Variants in MGME1 observed in about 807,000 individuals in gnomAD.
MGME1 encodes the protein chromosome 20 open reading frame 72.
A neutral mutation model predicts 33.0 loss-of-function variants in MGME1; 22 were observed. The ratio of observed to expected loss-of-function variants is 0.67; its 90% CI spans 0.48 to 0.95. The LOEUF (loss-of-function observed/expected upper bound fraction) is 0.95, where lower values mean the gene tolerates loss of function less well. Among genes scored for constraint, MGME1 ranks in the 40% least tolerant of loss-of-function variants. MGME1 has a pLI of 0.00. For synonymous variants in MGME1, 133 were observed against 144.0 expected (o/e 0.92, Z 0.55); for missense variants, 383 against 397.8 (o/e 0.96, Z 0.32).
chr20:17,977,146 TGGGCA>T (rs2035890480), intron 3 of MGME1, among the ~76,000 whole-genome samples: 2 of 151,638 alleles, frequency 1.3e-5, no homozygotes, highest in African/African-American at 4.8e-5. Context: ...GAGGCCGAGG[TGGGCA>T]GATCACCTGA....
Position 17,987,049 on chromosome 20 carries a change from G to A in MGME1, c.732-1117G>A, listed in dbSNP as rs913915724. Among the ~76,000 whole-genome samples, 4 of 151,694 alleles carry A rather than the reference G, an allele frequency of 2.6e-5. No homozygotes were observed. In the South Asian group the frequency reaches 6.2e-4, roughly 24 times the overall value. The stretch of plus-strand genomic sequence containing the variant: ...ACAAAAATTAGCTGGGCGAGGTGGC[G>A]CACACATGTAATGCCAGCTACTCAG... On this transcript the variant is annotated intron_variant, in intron 3 of 4. Coordinates refer to ENST00000377710, the MANE Select transcript of MGME1 (RefSeq NM_052865.4).
intron 3 of MGME1, among the ~76,000 whole-genome samples, chr20:17,984,032 G>GT (rs1026567291): frequency 2.0e-5 from 3 of 151,722 alleles, no homozygotes; most frequent in Admixed American, 1.3e-4. Context: ...CTTTTCTCCT[G>GT]TTTTTTTTCT....
chr20:17,972,748 AG>A (rs2035761046), intron 2 of MGME1: 2 of 985,298 alleles, frequency 2.0e-6, no homozygotes, highest in African/African-American at 1.7e-5. Flanking sequence ...GAACCTAGCC[AG>A]GGGTAAGTTT....
chr20:17,980,890 ATTAACAC>A (rs1431416491), intron 3 of MGME1, among the ~76,000 whole-genome samples: 1 of 151,902 alleles, frequency 6.6e-6, no homozygotes, highest in Non-Finnish European at 1.5e-5. Flanking sequence ...ACCACCCACA[ATTAACAC>A]TTAACACTGG....
chr20:17,986,171 T>G (rs111982243), intron 3 of MGME1, among the ~76,000 whole-genome samples: 10 of 152,150 alleles, frequency 6.6e-5, no homozygotes, highest in African/African-American at 2.4e-4. Context: ...CAGGTTCAAG[T>G]AATTCTCCTG....
chr20:17,970,956 A>G (rs2035712826), intron 2 of MGME1, among the ~76,000 whole-genome samples: 1 of 152,226 alleles, frequency 6.6e-6, no homozygotes. Flanking sequence ...CTTAAATTTA[A>G]TATTCCATTC....
intron 2 of MGME1, among the ~76,000 whole-genome samples, chr20:17,973,293 G>A (rs976899857): frequency 2.6e-5 from 4 of 151,634 alleles, no homozygotes; most frequent in Admixed American, 1.3e-4. Context: ...GCAGTGAGCC[G>A]AGATCATACC....
At chr20:17,988,679 G>C (rs1022961331) in intron 4 of MGME1, among the ~76,000 whole-genome samples, 1 of 148,308 alleles carries the variant, frequency 6.7e-6, no homozygotes, top group East Asian at 2.0e-4. Flanking sequence ...ACTTCTCAGT[G>C]GGGGGGTAGG....
At chr20:17,988,858 G>A (rs1170412417) in intron 4 of MGME1, among the ~76,000 whole-genome samples, 2 of 151,890 alleles carry the variant, frequency 1.3e-5, no homozygotes, top group African/African-American at 4.8e-5. Flanking sequence ...GGGAGGCCGA[G>A]GCAGGCAGAT....
chr20:17,989,578 G>A (rs559276059), intron 4 of MGME1, among the ~76,000 whole-genome samples: 1 of 151,644 alleles, frequency 6.6e-6, no homozygotes, highest in South Asian at 2.1e-4. Flanking sequence ...AGCCGGAAGT[G>A]GTGCCCGCCT....
upstream of MGME1, chr20:17,968,658 C>T (rs532832909): frequency 3.3e-6 from 2 of 605,488 alleles, no homozygotes; most frequent in East Asian, 3.7e-5. Context: ...TCCCCGCTGC[C>T]GTCCATCTTG....
intron 3 of MGME1, among the ~76,000 whole-genome samples, chr20:17,984,625 A>G (rs1420825358): frequency 6.6e-6 from 1 of 152,222 alleles, no homozygotes; most frequent in Non-Finnish European, 1.5e-5. Context: ...GGTATTTACT[A>G]TGATTCTGAC....
At chr20:17,989,692 C>T (rs1001030196) in intron 4 of MGME1, among the ~76,000 whole-genome samples, 1 of 146,920 alleles carries the variant, frequency 6.8e-6, no homozygotes, top group African/African-American at 2.5e-5. Flanking sequence ...ACTTTTCCAC[C>T]CTCTTCTTGG....
chr20:17,970,057 C>G lies in MGME1; in HGVS notation c.198C>G (p.Ala66=), dbSNP rs541728499. 2.9e-5 allele frequency: 47 copies of G among 1,614,062 alleles called. No homozygotes were observed. Among genetic ancestry groups the G allele is most frequent in the Admixed American group, 5.0e-5 (3 of 59,990 alleles). ...VQSVLSSRGV[A]QTPGSVEEDA... ...CTGTCTTGTCATCCAGAGGCGTCGC[C>G]CAGACCCCGGGATCGGTGGAGGAAG... Residue 66 remains alanine (A), a synonymous_variant, in exon 2 of 5, where the codon GCC becomes GCG. Transcript: ENST00000377710.
chr20:17,969,556 A>G (rs2035655216), intron 1 of MGME1, among the ~76,000 whole-genome samples: 2 of 152,304 alleles, frequency 1.3e-5, no homozygotes, highest in South Asian at 4.1e-4. Flanking sequence ...TGGGCGTCAC[A>G]TTCCTGCAGA....
intron 1 of MGME1, among the ~76,000 whole-genome samples, chr20:17,969,493 T>A (rs890513994): frequency 1.3e-5 from 2 of 152,212 alleles, no homozygotes; most frequent in Admixed American, 6.5e-5. Context: ...GTGGCCGCCA[T>A]GGGACGGGCT....
chr20:17,985,499 C>T (rs922754561), intron 3 of MGME1, among the ~76,000 whole-genome samples: 9 of 152,024 alleles, frequency 5.9e-5, no homozygotes, highest in African/African-American at 1.2e-4. Flanking sequence ...GAAAGAAAAA[C>T]GTTTTTTATA....
rs1568608812 is a variant in MGME1, at chr20:17,975,668, CT to C, written c.512-15del. On this transcript the variant is annotated splice_polypyrimidine_tract_variant and intron_variant, in intron 2 of 4. Coordinates refer to ENST00000377710, the MANE Select transcript of MGME1 (RefSeq NM_052865.4). The stretch of plus-strand genomic sequence containing the variant: ...TTGTGTTTCCCCCCTCCCCTTTTCC[CT>C]GATTTTCTTTTCAGACGTCTTTTTA... 3 of 1,601,566 alleles carry C rather than the reference CT, an allele frequency of 1.9e-6. No homozygotes were observed. Among genetic ancestry groups the C allele is most frequent in the Admixed American group, 3.4e-5 (2 of 59,658 alleles).
rs750913135 is a variant in MGME1, at chr20:17,969,841, A to G, written c.-19A>G. 2.5e-6 allele frequency: 4 copies of G among 1,588,576 alleles called. No individual in the cohort carries two copies. The highest frequency in any genetic ancestry group is 2.6e-6 in the Non-Finnish European group (3 of 1,170,170). ...GGCCTTCGACCGTTGCAAATAGACT[A>G]AAGTGAAAACAAATCTGAATGAAGA... On this transcript the variant is annotated 5_prime_UTR_variant, in exon 2 of 5. Coordinates refer to ENST00000377710, the MANE Select transcript of MGME1 (RefSeq NM_052865.4).
Sources: allele counts gnomAD v4.1 joint callset (sites outside exome capture counted in the v4.1 genomes callset), GRCh38; gene constraint gnomAD v4.1.1; transcripts MANE v1.5; gene names NCBI Gene and HGNC (gene_info 2026-07-23, HGNC 2026-07-21).